CSN1S1: variants seen among roughly 807,000 people sequenced by gnomAD.
The protein encoded by CSN1S1 is casein alpha s1, also known as alpha-S1-casein.
A neutral mutation model predicts 49.1 loss-of-function variants in CSN1S1; 63 were observed. The observed-to-expected ratio is 1.28, with a 90% CI of 1.05 to 1.58. The LOEUF is 1.58. Ranked by LOEUF, CSN1S1 falls within the 40% of genes most tolerant of loss-of-function variation. CSN1S1 has a pLI of 0.00. For missense variants in CSN1S1, 260 were observed against 224.7 expected (o/e 1.16, Z -1.01); for synonymous variants, 78 against 67.1 (o/e 1.16, Z -0.79).
rs145980911 is a variant in CSN1S1 at position 69,934,566 on chromosome 4, G to A, written c.85-124G>A. ...ATTCAAGCATGTGATTTACAGTTTG[G>A]TCTCATTTGATATGTTGAATCTTGA... On this transcript the variant is annotated intron_variant, in intron 3 of 15. Transcript: ENST00000246891. 158 of 814,218 alleles carry A rather than the reference G, an allele frequency of 1.9e-4. 1 individual carries two copies. In the East Asian group the frequency reaches 4.0e-3, roughly 21 times the overall value. 50.4% of individuals were successfully genotyped at this position (814,218 alleles called of 1,614,324 possible). A position where few individuals can be genotyped will look rare whatever the true frequency, so the allele number is the denominator to read the frequency against.
At chr4:69,942,408 T>A in intron 13 of CSN1S1, 128 bp from the exon 14 acceptor site, 1 of 807,724 alleles carries the variant, frequency 1.2e-6, no homozygotes. Context: ...TTTTGCTAAC[T>A]GTGGCATAGA....
At position 69,934,715 on chromosome 4, in the gene CSN1S1, G is replaced by T; in HGVS notation, c.105+5G>T. 1 of 1,609,100 alleles carries T rather than the reference G, an allele frequency of 6.2e-7. No homozygotes were observed. The highest frequency in any genetic ancestry group is 8.5e-7 in the Non-Finnish European group (1 of 1,176,406). ...AATCCATCAGAGAGCAGTGAGGTAAGCTCTGTTTATGGGGAGTCAGGATTC... is the reference window on the plus strand; with the variant it reads ...AATCCATCAGAGAGCAGTGAGGTAATCTCTGTTTATGGGGAGTCAGGATTC... On this transcript the variant is annotated splice_donor_5th_base_variant and intron_variant, in intron 4 of 15. Coordinates refer to ENST00000246891, the MANE Select transcript of CSN1S1 (RefSeq NM_001890.2).
intron 12 of CSN1S1, 87 bp downstream of exon 12, chr4:69,941,147 A>G (rs1233942817): frequency 1.5e-5 from 9 of 609,192 alleles, no homozygotes; most frequent in East Asian, 3.4e-5. Context: ...ATTTCTAAAT[A>G]TATTTTTATT....
intron 12 of CSN1S1, among the ~76,000 whole-genome samples, chr4:69,941,545 C>G (rs1174770629): frequency 6.6e-6 from 1 of 151,764 alleles, no homozygotes; most frequent in Non-Finnish European, 1.5e-5. Context: ...ACATAAAAGT[C>G]TTTCTTTTGG....
intron 15 of CSN1S1, among the ~76,000 whole-genome samples, chr4:69,945,753 T>C (rs1723141639): frequency 6.6e-6 from 1 of 152,056 alleles, no homozygotes; most frequent in Admixed American, 6.6e-5. Context: ...CCTTAACAAG[T>C]CACATAGATA....
chr4:69,937,165 A>T, intron 8 of CSN1S1, 21 bp downstream of exon 8: 1 of 1,505,422 alleles, frequency 6.6e-7, no homozygotes, highest in Non-Finnish European at 8.9e-7. Flanking sequence ...TTGTTTTAAA[A>T]TTATTAAACC....
At chr4:69,940,884 G>A (rs1205418118) in intron 11 of CSN1S1, 135 bp from the exon 12 acceptor site, 3 of 489,062 alleles carry the variant, frequency 6.1e-6, no homozygotes, top group Non-Finnish European at 1.1e-5. Flanking sequence ...GGTAGAAATG[G>A]CACTCAGGTG....
chr4:69,945,452 A>G (rs931671972), intron 15 of CSN1S1, among the ~76,000 whole-genome samples: 4 of 151,970 alleles, frequency 2.6e-5, no homozygotes, highest in African/African-American at 9.7e-5. Context: ...CTTTTTGCTT[A>G]CTTGAAATTT....
chr4:69,932,907 G>A (rs17146475), intron 2 of CSN1S1, among the ~76,000 whole-genome samples: 2,352 of 151,986 alleles, frequency 0.015, 70 homozygotes, highest in African/African-American at 0.054. Flanking sequence ...ATAATAAATA[G>A]CAACAAACAA....
At chr4:69,935,056 A>G (rs994525346) in intron 4 of CSN1S1, among the ~76,000 whole-genome samples, 12 of 152,066 alleles carry the variant, frequency 7.9e-5, no homozygotes, top group Non-Finnish European at 1.8e-4. Flanking sequence ...TAAATGGAGC[A>G]TTTGTGTTCA....
At chr4:69,937,313 A>C (rs1000382011) in intron 8 of CSN1S1, among the ~76,000 whole-genome samples, 169 bp downstream of exon 8, 1 of 150,654 alleles carries the variant, frequency 6.6e-6, no homozygotes, top group Admixed American at 6.7e-5. Flanking sequence ...AACCAACACA[A>C]ATATTTTAAA....
In CSN1S1 at chr4:69,940,060, TA is replaced by T. The variant is rs1414711788; in HGVS notation, c.300+19del. On this transcript the variant is annotated intron_variant, in intron 11 of 15. Transcript: ENST00000246891. Reference sequence around the variant, plus strand: ...TAAGTGTGCGGTAAGACATATTTGCTAAATTTAAAATATATTAATATTTTCC... The same window carrying T: ...TAAGTGTGCGGTAAGACATATTTGCTAATTTAAAATATATTAATATTTTCC... 2 of 1,314,646 alleles carry T rather than the reference TA, an allele frequency of 1.5e-6. No individual in the cohort carries two copies. The highest frequency in any genetic ancestry group is 2.1e-6 in the Non-Finnish European group (2 of 966,716). 81.4% of individuals were successfully genotyped at this position (1,314,646 alleles called of 1,614,324 possible).
At chr4:69,944,623 G>A (rs1284694901) in intron 14 of CSN1S1, among the ~76,000 whole-genome samples, 1 of 151,954 alleles carries the variant, frequency 6.6e-6, no homozygotes, top group Non-Finnish European at 1.5e-5. Context: ...CTTAAAAAAA[G>A]TGATTTATTC....
intron 12 of CSN1S1, among the ~76,000 whole-genome samples, chr4:69,941,439 A>G (rs1202718630): frequency 1.3e-5 from 2 of 151,912 alleles, no homozygotes; most frequent in African/African-American, 4.8e-5. Context: ...GAAACAGGAT[A>G]GATTCTGGGA....
chr4:69,931,307 A>T (rs561911310), intron 1 of CSN1S1, among the ~76,000 whole-genome samples, 190 bp downstream of exon 1: 1 of 152,120 alleles, frequency 6.6e-6, no homozygotes, highest in East Asian at 1.9e-4. Flanking sequence ...TGATGAATCA[A>T]TACAGTTTTA....
At chr4:69,940,916 C>T in intron 11 of CSN1S1, 103 bp from the exon 12 acceptor site, 1 of 603,388 alleles carries the variant, frequency 1.7e-6, no homozygotes, top group Non-Finnish European at 2.9e-6. Context: ...CATTCTCTAC[C>T]CTTGGGAAAG....
Position 69,940,017 on chromosome 4 carries a change from A to T in CSN1S1, c.277-4A>T. 7.2e-7 allele frequency: 1 copy of T among 1,392,068 alleles called. No homozygotes were observed. Among genetic ancestry groups the T allele is most frequent in the Non-Finnish European group, 9.7e-7 (1 of 1,030,256 alleles). 86.2% of individuals were successfully genotyped at this position (1,392,068 alleles called of 1,614,324 possible). ...AAACTATGCATGTTTTAATTTTTTT[A>T]AAGGAAATGTCTCTCAGTAAGTGTG... is the stretch of plus-strand genomic sequence containing the variant. On this transcript the variant is annotated splice_polypyrimidine_tract_variant and splice_region_variant and intron_variant, in intron 10 of 15. Transcript: ENST00000246891.
At chr4:69,945,770 G>A (rs1012491905) in intron 15 of CSN1S1, among the ~76,000 whole-genome samples, 1 of 151,880 alleles carries the variant, frequency 6.6e-6, no homozygotes, top group Non-Finnish European at 1.5e-5. Context: ...GATAAATAAA[G>A]TGTTAGTCTG....
intron 14 of CSN1S1, among the ~76,000 whole-genome samples, chr4:69,944,427 C>T (rs1201566711): frequency 6.6e-6 from 1 of 151,798 alleles, no homozygotes; most frequent in Admixed American, 6.6e-5. Context: ...GCTATGTTGA[C>T]CCTGGGTGCG....
Sources: gnomAD v4.1 joint callset for allele counts (sites outside exome capture counted in the v4.1 genomes callset) on GRCh38, gnomAD v4.1.1 for gene constraint, MANE v1.5 for transcripts, NCBI Gene and HGNC (gene_info 2026-07-23, HGNC 2026-07-21) for gene names.